Variants in MLLT3 observed in about 807,000 individuals in gnomAD.
MLLT3 encodes MLLT3 super elongation complex subunit.
In MLLT3, 4 loss-of-function variants were observed where a neutral mutation model predicts 53.2. That is an observed-to-expected ratio of 0.08 (90% CI 0.04 to 0.17). The LOEUF (loss-of-function observed/expected upper bound fraction) is 0.17. MLLT3 is among the 10% of genes least tolerant of loss of function. The pLI is 1.00. For synonymous variants in MLLT3, 283 were observed against 230.6 expected (o/e 1.23, Z -2.06); for missense variants, 569 against 684.0 (o/e 0.83, Z 1.87).
intron 2 of MLLT3, among the ~76,000 whole-genome samples, chr9:20,485,605 T>TGAACTAAGCCACTTG (rs1824790139): frequency 6.6e-6 from 1 of 151,758 alleles, no homozygotes; most frequent in Non-Finnish European, 1.5e-5. Flanking sequence ...AATAATATAA[T>TGAACTAAGCCACTTG]GCAGACACTA....
chr9:20,547,038 T>C (rs939466203), intron 2 of MLLT3, among the ~76,000 whole-genome samples: 1 of 152,174 alleles, frequency 6.6e-6, no homozygotes, highest in African/African-American at 2.4e-5. Flanking sequence ...GGGTCTCTTC[T>C]TTGGCCTCTT....
At chr9:20,549,294 T>C (rs1818868921) in intron 2 of MLLT3, among the ~76,000 whole-genome samples, 1 of 152,078 alleles carries the variant, frequency 6.6e-6, no homozygotes, top group African/African-American at 2.4e-5. Context: ...GACACAAAGA[T>C]AAAAATGACA....
Position 20,365,565 on chromosome 9 carries a change from G to A in MLLT3, c.1201+104C>T, listed in dbSNP as rs1395817522. 14 of 1,285,074 alleles carry A rather than the reference G, an allele frequency of 1.1e-5. No individual in the cohort carries two copies. In the Middle Eastern group the frequency reaches 1.6e-3, roughly 142 times the overall value. 79.6% of individuals were successfully genotyped at this position (1,285,074 alleles called of 1,614,324 possible). A position where few individuals can be genotyped will look rare whatever the true frequency, so the allele number is the denominator to read the frequency against. On this transcript the variant is annotated intron_variant, in intron 6 of 10. Coordinates refer to ENST00000380338, the MANE Select transcript of MLLT3 (RefSeq NM_004529.4). ...CGGTTTCACCGTGTTAGCTAGGATG[G>A]TCTTGATCTCCTGACCTCTTGATCC...
chr9:20,545,408 A>C (rs72701925), intron 2 of MLLT3, among the ~76,000 whole-genome samples: 5,094 of 152,242 alleles, frequency 0.033, 136 homozygotes, highest in South Asian at 0.072. Flanking sequence ...CCTGGGGTGA[A>C]GGGGAGGGGA....
chr9:20,552,073 T>C (rs1818939335), intron 2 of MLLT3, among the ~76,000 whole-genome samples: 1 of 152,188 alleles, frequency 6.6e-6, no homozygotes, highest in African/African-American at 2.4e-5. Flanking sequence ...CTCACGGGTT[T>C]TGCTTCCTGA....
chr9:20,596,720 A>G (rs566239885), intron 2 of MLLT3, among the ~76,000 whole-genome samples: 3 of 152,184 alleles, frequency 2.0e-5, no homozygotes, highest in Non-Finnish European at 2.9e-5. Context: ...AAAATAAAAT[A>G]ATAAGCTGCT....
intron 2 of MLLT3, among the ~76,000 whole-genome samples, chr9:20,570,431 A>G (rs1221400338): frequency 6.6e-6 from 1 of 152,214 alleles, no homozygotes; most frequent in East Asian, 1.9e-4. Flanking sequence ...GCTAAACATA[A>G]ACACTACACT....
At chr9:20,358,925 T>C (rs927310668) in intron 8 of MLLT3, among the ~76,000 whole-genome samples, 2 of 151,840 alleles carry the variant, frequency 1.3e-5, no homozygotes, top group African/African-American at 4.8e-5. Context: ...GTGAGGCGCA[T>C]GATGAGGTCA....
Position 20,448,371 on chromosome 9 carries a change from T to C in MLLT3, c.277-105A>G, listed in dbSNP as rs1823757979. On this transcript the variant is annotated intron_variant, in intron 3 of 10. Transcript: ENST00000380338. This position sits in a 1 kb window ranked among gnomAD's most constrained non-coding sequence, Gnocchi z 4.0. ...TAAGAAATAGAAAAGAACTAAGACA[T>C]CTAACAGCTAAACTGTCAAAGTAGT... 1 of 986,664 alleles carries C rather than the reference T, an allele frequency of 1.0e-6. No individual in the cohort carries two copies. Among genetic ancestry groups the C allele is most frequent in the Admixed American group, 2.4e-5 (1 of 42,080 alleles). The allele number at this position is 986,664 out of a possible 1,614,324, so 61.1% of individuals were successfully genotyped here. A position where few individuals can be genotyped will look rare whatever the true frequency, so the allele number is the denominator to read the frequency against.
intron 10 of MLLT3, among the ~76,000 whole-genome samples, chr9:20,352,590 T>C (rs752300563): frequency 4.6e-5 from 7 of 151,776 alleles, no homozygotes; most frequent in East Asian, 1.9e-4. Context: ...TCTAAAATTC[T>C]ACAAGGGTTA....
intron 2 of MLLT3, among the ~76,000 whole-genome samples, chr9:20,611,701 G>T (rs576289490): frequency 9.9e-5 from 15 of 152,126 alleles, no homozygotes; most frequent in Admixed American, 9.2e-4. Flanking sequence ...ATTGTTAACT[G>T]CTACATACCA....
chr9:20,492,603 G>A, intron 2 of MLLT3, among the ~76,000 whole-genome samples: 1 of 151,686 alleles, frequency 6.6e-6, no homozygotes, highest in South Asian at 2.1e-4. Flanking sequence ...CATATATTAA[G>A]ATATATATTA....
At chr9:20,505,535 A>T in intron 2 of MLLT3, among the ~76,000 whole-genome samples, 1 of 152,260 alleles carries the variant, frequency 6.6e-6, no homozygotes, top group East Asian at 1.9e-4. Context: ...CAGCAAAAAT[A>T]ACAAGTGGGC....
chr9:20,516,434 T>C (rs1817921860), intron 2 of MLLT3, among the ~76,000 whole-genome samples: 1 of 152,244 alleles, frequency 6.6e-6, no homozygotes, highest in African/African-American at 2.4e-5. Flanking sequence ...ATTTCTTGAC[T>C]TACCTCCAAA....
intron 2 of MLLT3, among the ~76,000 whole-genome samples, chr9:20,534,858 C>G (rs1411382386): frequency 2.0e-5 from 3 of 151,540 alleles, no homozygotes; most frequent in Admixed American, 2.0e-4. Context: ...TGCACTCTAG[C>G]CTGGGGGACA....
At chr9:20,592,694 C>T (rs1398139709) in intron 2 of MLLT3, among the ~76,000 whole-genome samples, 1 of 152,152 alleles carries the variant, frequency 6.6e-6, no homozygotes, top group Non-Finnish European at 1.5e-5. Context: ...GTAATCATTA[C>T]TTCAAAAACT....
At chr9:20,400,608 G>A (rs1216998490) in intron 5 of MLLT3, among the ~76,000 whole-genome samples, 1 of 151,974 alleles carries the variant, frequency 6.6e-6, no homozygotes, top group African/African-American at 2.4e-5. Flanking sequence ...GGAGAAGATG[G>A]CACTACACAT....
intron 5 of MLLT3, among the ~76,000 whole-genome samples, chr9:20,400,506 T>G (rs1273715217): frequency 6.6e-6 from 1 of 152,120 alleles, no homozygotes; most frequent in Non-Finnish European, 1.5e-5. Context: ...GTTCTGTTTT[T>G]TAAAAAAGTC....
At chr9:20,502,005 T>C (rs1587000754) in intron 2 of MLLT3, among the ~76,000 whole-genome samples, 1 of 128,194 alleles carries the variant, frequency 7.8e-6, no homozygotes, top group African/African-American at 3.0e-5. Flanking sequence ...CACTTGAACA[T>C]GGGAGGCGGA....
Sources: gnomAD v4.1 joint callset for allele counts (sites outside exome capture counted in the v4.1 genomes callset) on GRCh38, gnomAD v4.1.1 for gene constraint, Gnocchi (gnomAD v3.1) non-coding constraint, MANE v1.5 for transcripts, NCBI Gene and HGNC (gene_info 2026-07-23, HGNC 2026-07-21) for gene names.